The following IRF7 variants were observed in gnomAD, a reference collection of about 807,000 sequenced individuals.
IRF7 encodes interferon regulatory factor-7H.
Under a neutral mutation model 51.3 loss-of-function variants are expected in IRF7, and 67 were observed. The observed-to-expected ratio is 1.31, with a 90% CI of 1.07 to 1.60. The LOEUF (loss-of-function observed/expected upper bound fraction) is 1.60, where lower values mean the gene tolerates loss of function less well. Among genes scored for constraint, IRF7 ranks in the 40% most tolerant of loss-of-function variants. The pLI, the probability that IRF7 is intolerant of heterozygous loss-of-function variation, is 0.00. For synonymous variants in IRF7, 427 were observed against 301.3 expected, an observed-to-expected ratio of 1.42 and a Z score of -4.32; for missense variants, 873 against 701.5, an observed-to-expected ratio of 1.24 and a Z score of -2.76.
chr11:613,726 CA>C, intron 8 of IRF7, 58 bp downstream of exon 8: 1 of 898,786 alleles, frequency 1.1e-6, no homozygotes, highest in Non-Finnish European at 1.4e-6. Context: ...TGGGCGGGGA[CA>C]AGCCGTGAGT....
rs1285426444 is a variant in IRF7, at chr11:614,937, G to C, written c.254C>G (p.Thr85Ser). Residue 85 changes from threonine to serine, a missense_variant, in exon 4 of 11, where the codon ACT becomes AGT. Physicochemically the swap from Thr to Ser is moderately conservative, Grantham distance 58 (BLOSUM62 1). Coordinates refer to ENST00000525445, the MANE Select transcript of IRF7 (RefSeq NM_001572.5). ...GGTTTTCCAGCCGGCGCGCTCCGCA[G>C]TCTCAGCCTCGGGGGGCGGGCCACC... is the stretch of plus-strand genomic sequence containing the variant. ...RGGGPPPEAETAERAGWKTNF... is the reference protein window; with the variant it reads ...RGGGPPPEAESAERAGWKTNF... 6 of 1,579,196 alleles carry C rather than the reference G, an allele frequency of 3.8e-6. No individual in the cohort carries two copies. Among genetic ancestry groups the C allele is most frequent in the Non-Finnish European group, 4.3e-6 (5 of 1,165,062 alleles).
In IRF7 at chr11:615,643, G is replaced by T; in HGVS notation, c.-279C>A. The T allele has an allele frequency of 2.5e-6, 1 of 407,620 alleles. No homozygotes were observed. The highest frequency in any genetic ancestry group is 4.3e-6 in the Non-Finnish European group (1 of 231,074). The allele number at this position is 407,620 out of a possible 1,614,324, so 25.3% of individuals were successfully genotyped here. The stretch of plus-strand genomic sequence containing the variant: ...CAGGCCTGGCGGGAAGGCGCAGGCC[G>T]GACCCTGCGGAGACGGGAAAGGCGA... On this transcript the variant is annotated 5_prime_UTR_variant, in exon 2 of 11. Transcript: ENST00000525445.
In IRF7 at chr11:614,338, AG is replaced by A. The variant is rs768662777; in HGVS notation, c.514del (p.Leu172SerfsTer26). 4.3e-6 allele frequency: 7 copies of A among 1,610,750 alleles called. No homozygotes were observed. The South Asian group carries it at 7.7e-5, about 18-fold the overall frequency. On this transcript the variant is annotated frameshift_variant, in exon 6 of 11. Coordinates refer to ENST00000525445, the MANE Select transcript of IRF7 (RefSeq NM_001572.5). LOFTEE classifies it high-confidence loss of function. ...THAGLQAPGPLPAPAGDKGDL... is the reference protein window; with the variant it reads ...THAGLQAPGPXPAPAGDKGDL... ...CCCCTTGTCACCAGCTGGGGCAGGGAGGGGGCCTGGGGCTTGGAGTCCAGCA... is the reference window on the plus strand; with the variant it reads ...CCCCTTGTCACCAGCTGGGGCAGGGAGGGGCCTGGGGCTTGGAGTCCAGCA...
Position 614,361 on chromosome 11 carries a change from A to C in IRF7, c.492T>G (p.Ala164=), listed in dbSNP as rs1856688968. ...GGAGGGGGCCTGGGGCTTGGAGTCC[A>C]GCATGTGTGTGTGCCAGGAATGGCC... ...PPGPFLAHTH[A]GLQAPGPLPA... The change falls in exon 6 of 11, where the codon GCT becomes GCG. Residue 164 remains alanine, a synonymous_variant. Coordinates refer to ENST00000525445, the MANE Select transcript of IRF7 (RefSeq NM_001572.5). 2 of 1,609,498 alleles carry C rather than the reference A, an allele frequency of 1.2e-6. No homozygotes were observed. Among genetic ancestry groups the C allele is most frequent in the African/African-American group, 1.3e-5 (1 of 74,886 alleles).
At chr11:612,914 C>A in intron 10 of IRF7, 85 bp downstream of exon 10, 1 of 1,584,802 alleles carries the variant, frequency 6.3e-7, no homozygotes, top group Non-Finnish European at 8.6e-7. Flanking sequence ...GGCCTCCCCT[C>A]CCCCTCTCCG....
chr11:614,142 C>A (rs1183816406), intron 6 of IRF7, 32 bp downstream of exon 6: 1 of 1,599,190 alleles, frequency 6.3e-7, no homozygotes, highest in East Asian at 2.3e-5. Flanking sequence ...TGGCCCCTCC[C>A]GCGCTCCCCC....
At chr11:612,867 C>T (rs746602236) in intron 10 of IRF7, 67 bp from the exon 11 acceptor site, 39 of 1,590,944 alleles carry the variant, frequency 2.5e-5, no homozygotes, top group African/African-American at 4.0e-5. Context: ...TCCCCAGGCT[C>T]TGAGGGCGTC....
rs1180903297 is a variant in IRF7, at chr11:612,775, T to G, written c.1382A>C (p.His461Pro). 1 of 1,611,280 alleles carries G rather than the reference T, an allele frequency of 6.2e-7. No homozygotes were observed. The highest frequency in any genetic ancestry group is 8.5e-7 in the Non-Finnish European group (1 of 1,179,952). The change falls in exon 11 of 11, where the codon CAC (histidine) becomes CCC (proline). Residue 461 changes from histidine to proline, a missense_variant. Physicochemically the swap from His to Pro is moderately conservative, Grantham distance 77. Transcript: ENST00000525445. ...VKLEPWLCRV[H>P]LEGTQREGVS... ...ACCCTCACGCTGCGTGCCCTCTAGG[T>G]GCACTCGGCACAGCCAGGGTTCCAG...
In IRF7 at chr11:613,937, C is replaced by T. The variant is rs375163519; in HGVS notation, c.766+14G>A. ...TCCCTGTGCCCCAGGCCTCCCAACC[C>T]CTACCCCTCTCACCTGTCGTTAGTG... On this transcript the variant is annotated intron_variant, in intron 7 of 10. Transcript: ENST00000525445. The T allele has an allele frequency of 3.7e-6, 6 of 1,605,150 alleles. No homozygotes were observed. The African/African-American group carries it at 8.1e-5, about 22-fold the overall frequency.
At position 614,036 on chromosome 11, in the gene IRF7, G is replaced by A. The variant is rs763653182; in HGVS notation, c.681C>T (p.Gly227=). The part of the protein sequence containing the change: ...GLPLTGACAG[G]PGLPAGELYG... ...ACAGCTCCCCAGCAGGGAGCCCTGGGCCTGAGGAGGGGAGGACAGTGGGAA... is the reference window on the plus strand; with the variant it reads ...ACAGCTCCCCAGCAGGGAGCCCTGGACCTGAGGAGGGGAGGACAGTGGGAA... Residue 227 remains glycine (G), a splice_region_variant and synonymous_variant, in exon 7 of 11, where the codon GGC becomes GGT. Transcript: ENST00000525445. 2.5e-6 allele frequency: 4 copies of A among 1,606,878 alleles called. No individual in the cohort carries two copies. The highest frequency in any genetic ancestry group is 1.7e-5 in the Admixed American group (1 of 59,496).
Position 612,689 on chromosome 11 carries a change from C to T in IRF7, c.1468G>A (p.Asp490Asn). Reference sequence around the variant, plus strand: ...TCCATAAGGAAGCACTCGATGTCGTCATAGAGGCTGTTGGCGCTGGACAGG... The same window carrying T: ...TCCATAAGGAAGCACTCGATGTCGTTATAGAGGCTGTTGGCGCTGGACAGG... ...LCLSSANSLY[D>N]DIECFLMELE... The change falls in exon 11 of 11, where the codon GAC (aspartate) becomes AAC (asparagine). Residue 490 changes from aspartate (D) to asparagine (N), a missense_variant. Asp to Asn is a conservative substitution (Grantham distance 23, BLOSUM62 1). Coordinates refer to ENST00000525445, the MANE Select transcript of IRF7 (RefSeq NM_001572.5). The T allele has an allele frequency of 6.2e-7, 1 of 1,613,346 alleles. No homozygotes were observed. Among genetic ancestry groups the T allele is most frequent in the Non-Finnish European group, 8.5e-7 (1 of 1,180,020 alleles).
rs113389008 is a variant in IRF7 at position 613,605 on chromosome 11, G to T, written c.848-10C>A. On this transcript the variant is annotated splice_polypyrimidine_tract_variant and intron_variant, in intron 8 of 10. Coordinates refer to ENST00000525445, the MANE Select transcript of IRF7 (RefSeq NM_001572.5). The stretch of plus-strand genomic sequence containing the variant: ...GCCCCTGGGCTGGGCTCTGTGTGGA[G>T]ACCAAGCTGTGAGTGACGGGGGTGG... 2 of 1,366,470 alleles carry T rather than the reference G, an allele frequency of 1.5e-6. No individual in the cohort carries two copies. The highest frequency in any genetic ancestry group is 9.6e-7 in the Non-Finnish European group (1 of 1,042,032). The allele number at this position is 1,366,470 out of a possible 1,614,324, so 84.6% of individuals were successfully genotyped here. A position where few individuals can be genotyped will look rare whatever the true frequency, so the allele number is the denominator to read the frequency against.
rs1279188516 is a variant in IRF7, at chr11:612,759, C to A, written c.1398G>T (p.Gln466His). 6.2e-7 allele frequency: 1 copy of A among 1,612,224 alleles called. No homozygotes were observed. Among genetic ancestry groups the A allele is most frequent in the Non-Finnish European group, 8.5e-7 (1 of 1,179,988 alleles). Reference sequence around the variant, plus strand: ...TATCCAGGGAAGACACACCCTCACGCTGCGTGCCCTCTAGGTGCACTCGGC... The same window carrying A: ...TATCCAGGGAAGACACACCCTCACGATGCGTGCCCTCTAGGTGCACTCGGC... ...WLCRVHLEGT[Q>H]REGVSSLDSS... is the part of the protein sequence containing the mutation. The change falls in exon 11 of 11, where the codon CAG becomes CAT. Residue 466 changes from glutamine (Q) to histidine (H), a missense_variant. Transcript: ENST00000525445.
In IRF7 at chr11:613,285, G is replaced by A. The variant is rs764450622; in HGVS notation, c.1158C>T (p.Ser386=). 89 of 1,608,274 alleles carry A rather than the reference G, an allele frequency of 5.5e-5. No homozygotes were observed. Among genetic ancestry groups the A allele is most frequent in the Middle Eastern group, 3.3e-4 (2 of 6,044 alleles). The change falls in exon 9 of 11, where the codon TCC becomes TCT. Residue 386 remains serine (S), a synonymous_variant. Coordinates refer to ENST00000525445, the MANE Select transcript of IRF7 (RefSeq NM_001572.5). ...GGCAGGCTGGGGTGGAGGGGCTGGC[G>A]GAGCCTGGGGGTCCGCCCACCTCCC... The part of the protein sequence containing the change: ...VYWEVGGPPG[S]ASPSTPACLL...
In IRF7 at chr11:614,839, G is replaced by T; in HGVS notation, c.352C>A (p.Pro118Thr). ...LRDNSGDPAD[P>T]HKVYALSREL... is the part of the protein sequence containing the mutation. The stretch of plus-strand genomic sequence containing the variant: ...CGGCTGAGCGCGTACACCTTGTGCG[G>T]GTCGGCCGGGTCCCCCGAGTTATCC... The change falls in exon 4 of 11, where the codon CCG (proline) becomes ACG (threonine). Residue 118 changes from proline to threonine, a missense_variant. Transcript: ENST00000525445. The T allele has an allele frequency of 3.2e-6, 5 of 1,559,430 alleles. No individual in the cohort carries two copies. The highest frequency in any genetic ancestry group is 2.6e-6 in the Non-Finnish European group (3 of 1,153,150).
chr11:614,496 C>CG lies in IRF7; in HGVS notation c.432dup (p.Ala145ArgfsTer34), dbSNP rs1856699574. On this transcript the variant is annotated frameshift_variant, in exon 5 of 11. Transcript: ENST00000525445. LOFTEE classifies it high-confidence loss of function. ...GGTACCTGTGGTGGTGGGACAGCTG[C>CG]GGGGGCCTCTGCCTCAGTCTGGTCC... 7 of 1,561,914 alleles carry CG rather than the reference C, an allele frequency of 4.5e-6. No homozygotes were observed. Among genetic ancestry groups the CG allele is most frequent in the Non-Finnish European group, 5.2e-6 (6 of 1,152,826 alleles).
Position 614,354 on chromosome 11 carries a change from G to C in IRF7, c.499C>G (p.Gln167Glu), listed in dbSNP as rs1856688174. The change falls in exon 6 of 11, where the codon CAA becomes GAA. Residue 167 changes from glutamine to glutamate, a missense_variant. Coordinates refer to ENST00000525445, the MANE Select transcript of IRF7 (RefSeq NM_001572.5). ...GGGGCAGGGAGGGGGCCTGGGGCTT[G>C]GAGTCCAGCATGTGTGTGTGCCAGG... Reference protein sequence around the residue: ...PFLAHTHAGLQAPGPLPAPAG... With the variant: ...PFLAHTHAGLEAPGPLPAPAG... 6.2e-7 allele frequency: 1 copy of C among 1,609,752 alleles called. No homozygotes were observed. The highest frequency in any genetic ancestry group is 1.7e-5 in the Admixed American group (1 of 59,678).
chr11:613,590 T>C lies in IRF7; in HGVS notation c.853A>G (p.Ser285Gly). The C allele has an allele frequency of 6.8e-7, 1 of 1,469,232 alleles. No homozygotes were observed. The highest frequency in any genetic ancestry group is 1.3e-5 in the South Asian group (1 of 79,884). 91.0% of individuals were successfully genotyped at this position (1,469,232 alleles called of 1,614,324 possible). Residue 285 changes from serine (S) to glycine (G), a missense_variant, in exon 9 of 11, where the codon AGC becomes GGC. Transcript: ENST00000525445. Reference protein sequence around the residue: ...PSACTAVQEPSPGALDVTIMY... With the variant: ...PSACTAVQEPGPGALDVTIMY... ...ATGGTCACGTCCAGCGCCCCTGGGCTGGGCTCTGTGTGGAGACCAAGCTGT... is the reference window on the plus strand; with the variant it reads ...ATGGTCACGTCCAGCGCCCCTGGGCCGGGCTCTGTGTGGAGACCAAGCTGT...
In IRF7 at chr11:612,724, A is replaced by AGGCTGC; in HGVS notation, c.1427_1432dup (p.Ser477_Leu478insArgSer). 6.2e-7 allele frequency: 1 copy of AGGCTGC among 1,612,816 alleles called. No individual in the cohort carries two copies. The highest frequency in any genetic ancestry group is 8.5e-7 in the Non-Finnish European group (1 of 1,180,008). ...GTTGGCGCTGGACAGGCAGAGGCTG[A>AGGCTGC]GGCTGCTGCTATCCAGGGAAGACAC... On this transcript the variant is annotated inframe_insertion, in exon 11 of 11. Transcript: ENST00000525445.
Sources: allele counts gnomAD v4.1 joint callset, GRCh38; gene constraint gnomAD v4.1.1; transcripts MANE v1.5; gene names NCBI Gene and HGNC (gene_info 2026-07-23, HGNC 2026-07-21).